The following FGD4 variants were observed in gnomAD, a reference collection of about 807,000 sequenced individuals.
The protein encoded by FGD4 is FYVE, RhoGEF and PH domain-containing protein 4.
A neutral mutation model predicts 102.0 loss-of-function variants in FGD4; 42 were observed. That is an observed-to-expected ratio of 0.41 (90% CI 0.32 to 0.53). The LOEUF (loss-of-function observed/expected upper bound fraction) is 0.53, where lower values mean the gene tolerates loss of function less well. Ranked by LOEUF, FGD4 falls within the 20% of genes least tolerant of loss-of-function variation. The pLI, the probability that FGD4 is intolerant of heterozygous loss-of-function variation, is 0.21. For synonymous variants in FGD4, 380 were observed against 375.7 expected, an observed-to-expected ratio of 1.01 and a Z score of -0.13; for missense variants, 902 against 1,078.2, an observed-to-expected ratio of 0.84 and a Z score of 2.29.
At position 32,483,687 on chromosome 12, in the gene FGD4, G is replaced by C. The variant is rs942485094; in HGVS notation, c.167-80450G>C. On this transcript the variant is annotated intron_variant, in intron 1 of 16. Transcript: ENST00000534526. Reference sequence around the variant, plus strand: ...AGTACTTTTCTGAGCTAGAGAGAGGGAACCAAAAATGCTGACATCCTCATT... The same window carrying C: ...AGTACTTTTCTGAGCTAGAGAGAGGCAACCAAAAATGCTGACATCCTCATT... 4.6e-5 allele frequency among the ~76,000 whole-genome samples: 7 copies of C among 152,100 alleles called. No individual in the cohort carries two copies. The East Asian group carries it at 1.3e-3, about 29-fold the overall frequency.
intron 4 of FGD4, among the ~76,000 whole-genome samples, chr12:32,590,369 C>G (rs1947373428): frequency 1.3e-5 from 2 of 149,812 alleles, no homozygotes; most frequent in Admixed American, 6.7e-5. Flanking sequence ...TGGGTGTTCT[C>G]TCTCTCTCTC....
chr12:32,517,071 A>G (rs1349880101), intron 1 of FGD4, among the ~76,000 whole-genome samples: 1 of 152,216 alleles, frequency 6.6e-6, no homozygotes, highest in African/African-American at 2.4e-5. Flanking sequence ...CAAATCAGCA[A>G]GTATTTGTAT....
chr12:32,584,452 A>G (rs1946846633), intron 4 of FGD4, among the ~76,000 whole-genome samples: 1 of 152,332 alleles, frequency 6.6e-6, no homozygotes, highest in South Asian at 2.1e-4. Context: ...ACACAATTAG[A>G]ACAAAGAAAT....
chr12:32,545,259 G>C (rs2050892741), intron 1 of FGD4, among the ~76,000 whole-genome samples: 1 of 152,196 alleles, frequency 6.6e-6, no homozygotes, highest in Admixed American at 6.5e-5. Flanking sequence ...ACATTCCAGA[G>C]TGGGTTATCA....
At position 32,619,868 on chromosome 12, in the gene FGD4, C is replaced by T; in HGVS notation, c.1920C>T (p.Ala640=). 6.2e-7 allele frequency: 1 copy of T among 1,614,018 alleles called. No homozygotes were observed. The highest frequency in any genetic ancestry group is 8.5e-7 in the Non-Finnish European group (1 of 1,179,992). The change falls in exon 11 of 17, where the codon GCC becomes GCT. Residue 640 remains alanine, a splice_region_variant and synonymous_variant. Coordinates refer to ENST00000534526, the MANE Select transcript of FGD4 (RefSeq NM_001370298.3). ...AAGAGAGAACACTGGAACTGCAGGC[C>T]AGGTAAGGGAACCATTTCTATCACA... ...SGKERTLELQ[A]SSAQDKEEWI...
chr12:32,639,491 T>C (rs1426270149), intron 16 of FGD4, among the ~76,000 whole-genome samples: 1 of 152,136 alleles, frequency 6.6e-6, no homozygotes, highest in African/African-American at 2.4e-5. Flanking sequence ...TATTTTTTCT[T>C]TTTGCTCAAT....
intron 1 of FGD4, among the ~76,000 whole-genome samples, chr12:32,440,468 C>T (rs948042620): frequency 1.3e-5 from 2 of 152,184 alleles, no homozygotes; most frequent in Non-Finnish European, 2.9e-5. Context: ...CGGGCAGAGA[C>T]TCCTGTTGTC....
intron 4 of FGD4, among the ~76,000 whole-genome samples, chr12:32,594,093 A>T (rs1157259788): frequency 6.6e-6 from 1 of 152,180 alleles, no homozygotes; most frequent in African/African-American, 2.4e-5. Flanking sequence ...TAGTGGTTAT[A>T]TCAGAGGTCC....
chr12:32,428,481 C>G (rs1158360214), intron 1 of FGD4, among the ~76,000 whole-genome samples: 1 of 152,106 alleles, frequency 6.6e-6, no homozygotes, highest in East Asian at 1.9e-4. Context: ...ACCTTTCTTT[C>G]TGTCTGCCCT....
At position 32,602,186 on chromosome 12, in the gene FGD4, A is replaced by C; in HGVS notation, c.1273A>C (p.Ile425Leu). The change falls in exon 7 of 17, where the codon ATC becomes CTC. Residue 425 changes from isoleucine (I) to leucine (L), a missense_variant. Around this residue, in one of 2 missense-constraint regions of FGD4, gnomAD observed 459 missense variants for 619.0 expected, o/e 0.74. Coordinates refer to ENST00000534526, the MANE Select transcript of FGD4 (RefSeq NM_001370298.3). ...EWETTPRIGD[I>L]LQKLAPFLKM... is the part of the protein sequence containing the mutation. ...GGAAACTACTCCTAGAATTGGAGAC[A>C]TCCTTCAGAAATTGGCACCATTCCT... 2 of 1,614,168 alleles carry C rather than the reference A, an allele frequency of 1.2e-6. No homozygotes were observed.
intron 1 of FGD4, among the ~76,000 whole-genome samples, chr12:32,518,618 A>G (rs1257077063): frequency 2.0e-5 from 3 of 152,208 alleles, no homozygotes; most frequent in African/African-American, 7.2e-5. Context: ...GAGACTGGAC[A>G]ATGCAAGCTC....
intron 1 of FGD4, among the ~76,000 whole-genome samples, chr12:32,455,983 G>A (rs765972263): frequency 1.6e-4 from 24 of 152,250 alleles, no homozygotes; most frequent in Admixed American, 8.5e-4. Flanking sequence ...TTCAGTGGAC[G>A]AGTGCACTTT....
chr12:32,601,796 A>G (rs1948444584), intron 6 of FGD4, among the ~76,000 whole-genome samples: 1 of 152,220 alleles, frequency 6.6e-6, no homozygotes, highest in Admixed American at 6.5e-5. Context: ...AGTCCTGTCA[A>G]TTCACTCATT....
intron 7 of FGD4, among the ~76,000 whole-genome samples, chr12:32,606,289 C>G (rs1034205229): frequency 3.1e-5 from 4 of 129,390 alleles, no homozygotes; most frequent in Admixed American, 2.4e-4. Flanking sequence ...AACTTCCAAA[C>G]TAGTTTCCCC....
At chr12:32,441,774 A>T (rs1472856767) in intron 1 of FGD4, among the ~76,000 whole-genome samples, 3 of 151,972 alleles carry the variant, frequency 2.0e-5, no homozygotes, top group Non-Finnish European at 2.9e-5. Flanking sequence ...TTTCAAGTTT[A>T]CTTAGAGACC....
chr12:32,574,892 A>G (rs2136362752), intron 2 of FGD4: 1 of 152,356 alleles, frequency 6.6e-6, no homozygotes, highest in East Asian at 1.9e-4. Context: ...TTAAGGAAGA[A>G]AAAAGATGAT....
At chr12:32,438,616 G>GT (rs539998283) in intron 1 of FGD4, among the ~76,000 whole-genome samples, 367 of 146,508 alleles carry the variant, frequency 2.5e-3, no homozygotes, top group African/African-American at 5.6e-3. Flanking sequence ...GTTTGTGTGT[G>GT]TTTTTTTTTT....
intron 4 of FGD4, among the ~76,000 whole-genome samples, chr12:32,591,853 A>G (rs1947503155): frequency 2.0e-5 from 3 of 152,188 alleles, no homozygotes; most frequent in South Asian, 4.1e-4. Context: ...TCTCTCCCAA[A>G]GGGTACTGGA....
intron 1 of FGD4, among the ~76,000 whole-genome samples, chr12:32,435,498 A>AGTGTGTGTGTGTGTGTGT (rs3076971): frequency 0.051 from 7,669 of 149,612 alleles, 276 homozygotes; most frequent in Admixed American, 0.11. Flanking sequence ...CAATTAAAAA[A>AGTGTGTGTGTGTGTGTGT]GTGTGTGTGT....
Sources: allele counts gnomAD v4.1 joint callset (sites outside exome capture counted in the v4.1 genomes callset), GRCh38; gene constraint gnomAD v4.1.1; regional missense constraint gnomAD v4.1.1; transcripts MANE v1.5; gene names NCBI Gene and HGNC (gene_info 2026-07-23, HGNC 2026-07-21).